Variants in FBXL16 observed in about 807,000 individuals in gnomAD.
FBXL16 encodes F-box/LRR-repeat protein 16.
A neutral mutation model predicts 36.7 loss-of-function variants in FBXL16; 7 were observed. The observed-to-expected ratio is 0.19, with a 90% confidence interval of 0.11 to 0.36. FBXL16 has a LOEUF of 0.36. Among genes scored for constraint, FBXL16 ranks in the 10% least tolerant of loss-of-function variants. The probability of loss-of-function intolerance (pLI) is 1.00; values close to 1 mark genes in which losing one functional copy is unlikely to be tolerated. For missense variants in FBXL16, 463 were observed against 659.4 expected (o/e 0.70, Z 3.26); for synonymous variants, 355 against 308.7 (o/e 1.15, Z -1.57).
chr16:694,306 T>A lies in FBXL16; in HGVS notation c.1409A>T (p.Gln470Leu), dbSNP rs1471169437. 2.0e-6 allele frequency: 3 copies of A among 1,465,936 alleles called. No individual in the cohort carries two copies. Among genetic ancestry groups the A allele is most frequent in the Non-Finnish European group, 2.7e-6 (3 of 1,109,492 alleles). 90.8% of individuals were successfully genotyped at this position (1,465,936 alleles called of 1,614,324 possible). A position where few individuals can be genotyped will look rare whatever the true frequency, so the allele number is the denominator to read the frequency against. Residue 470 changes from glutamine to leucine, a missense_variant, in exon 6 of 6, where the codon CAG (glutamine) becomes CTG (leucine). By Grantham distance (113) the Gln-to-Leu change is moderately radical. Coordinates refer to ENST00000397621, the MANE Select transcript of FBXL16 (RefSeq NM_153350.4). Reference sequence around the variant, plus strand: ...AATGACGAGGCAGCGGGGCAGGTGCTGCGAGAAATACTTGAAGAGCTCGGG... The same window carrying A: ...AATGACGAGGCAGCGGGGCAGGTGCAGCGAGAAATACTTGAAGAGCTCGGG... ...ATPELFKYFS[Q>L]HLPRCLVIE
chr16:695,217 G>A (rs2040001094), intron 3 of FBXL16, 141 bp from the exon 4 acceptor site: 1 of 1,158,586 alleles, frequency 8.6e-7, no homozygotes, highest in African/African-American at 1.6e-5. Flanking sequence ...CCCACCCACC[G>A]GGAAGGACGG....
chr16:704,890 C>T (rs2040080461), intron 1 of FBXL16, among the ~76,000 whole-genome samples: 1 of 152,224 alleles, frequency 6.6e-6, no homozygotes, highest in Non-Finnish European at 1.5e-5. Flanking sequence ...GAACGCTCTC[C>T]ACCCACCTAA....
chr16:697,401 G>A lies in FBXL16; in HGVS notation c.5C>T (p.Ser2Leu), dbSNP rs745311378. MSSPGIDGDPKP... is the reference protein window; with the variant it reads MLSPGIDGDPKP... Reference sequence around the variant, plus strand: ...GGGGTCGCCGTCGATGCCCGGGCTCGACATCTTCCTGGCACGCTCTGTGGA... The same window carrying A: ...GGGGTCGCCGTCGATGCCCGGGCTCAACATCTTCCTGGCACGCTCTGTGGA... Residue 2 changes from serine to leucine, a missense_variant, in exon 2 of 6, where the codon TCG becomes TTG. This residue lies in a region of FBXL16 where 263 missense variants were observed against 341.1 expected (regional missense o/e 0.77). Coordinates refer to ENST00000397621, the MANE Select transcript of FBXL16 (RefSeq NM_153350.4). This position sits in a 1 kb window ranked among gnomAD's most constrained non-coding sequence, Gnocchi z 4.6. The A allele has an allele frequency of 4.6e-6, 7 of 1,533,620 alleles. No individual in the cohort carries two copies. The highest frequency in any genetic ancestry group is 3.9e-5 in the Admixed American group (2 of 50,816).
intron 3 of FBXL16, 81 bp downstream of exon 3, chr16:695,334 G>A (rs917789024): frequency 4.0e-5 from 42 of 1,052,826 alleles, no homozygotes; most frequent in Admixed American, 2.3e-4. Flanking sequence ...CCCGCCCCCG[G>A]CCCCGTGCAG....
chr16:694,405 G>A lies in FBXL16; in HGVS notation c.1310C>T (p.Thr437Ile), dbSNP rs970952497. 2 of 1,550,966 alleles carry A rather than the reference G, an allele frequency of 1.3e-6. No homozygotes were observed. Among genetic ancestry groups the A allele is most frequent in the South Asian group, 1.2e-5 (1 of 83,398 alleles). ...CTGCACCAGGCCCGACAGCCCGGTG[G>A]TGGTGAGCAGCGGGCAGCCTGCGGC... ...LSLAGCPLLTTTGLSGLVQLQ... is the reference protein window; with the variant it reads ...LSLAGCPLLTITGLSGLVQLQ... The change falls in exon 6 of 6, where the codon ACC becomes ATC. Residue 437 changes from threonine (T) to isoleucine (I), a missense_variant. Transcript: ENST00000397621.
intron 2 of FBXL16, 118 bp from the exon 3 acceptor site, chr16:696,041 G>A: frequency 1.4e-6 from 2 of 1,389,698 alleles, no homozygotes; most frequent in Non-Finnish European, 1.9e-6. Context: ...GGCAGTGTGT[G>A]AGGAGGCGGG....
At chr16:704,465 C>T (rs2040077267) in intron 1 of FBXL16, among the ~76,000 whole-genome samples, 1 of 152,240 alleles carries the variant, frequency 6.6e-6, no homozygotes, top group African/African-American at 2.4e-5. Flanking sequence ...TTGAATTTCC[C>T]TCCCCTCCAG....
intron 1 of FBXL16, among the ~76,000 whole-genome samples, chr16:700,816 C>T (rs1045470344): frequency 6.6e-6 from 1 of 152,052 alleles, no homozygotes; most frequent in African/African-American, 2.4e-5. Context: ...GCCCCAGCCG[C>T]GCGCTCAGGG....
intron 1 of FBXL16, among the ~76,000 whole-genome samples, chr16:701,038 A>T (rs914105420): frequency 7.2e-5 from 11 of 152,128 alleles, no homozygotes; most frequent in Non-Finnish European, 7.4e-5. Flanking sequence ...GCTCCCAGTC[A>T]TGGGCCTGCA....
intron 1 of FBXL16, among the ~76,000 whole-genome samples, chr16:704,364 C>A (rs964909816): frequency 7.9e-5 from 12 of 152,146 alleles, no homozygotes; most frequent in Admixed American, 7.2e-4. Context: ...GGGTCTGGCC[C>A]CAGATGAGGG....
chr16:705,024 C>T lies in FBXL16; in HGVS notation c.-15+488G>A, dbSNP rs555164506. ...AACCAGGAAGGTGCCAGCCTCCCCC[C>T]ACCCTCCTCCTCCCGCGGGCAGTAG... On this transcript the variant is annotated intron_variant, in intron 1 of 5. Transcript: ENST00000397621. 7.2e-5 allele frequency among the ~76,000 whole-genome samples: 11 copies of T among 152,352 alleles called. No individual in the cohort carries two copies. In the South Asian group the frequency reaches 1.0e-3, roughly 14 times the overall value.
intron 1 of FBXL16, among the ~76,000 whole-genome samples, chr16:700,852 G>C (rs151010267): frequency 0.029 from 4,414 of 152,226 alleles, 206 homozygotes; most frequent in African/African-American, 0.1. Context: ...CTTCCACCGC[G>C]GACGGCTGCG....
Position 695,697 on chromosome 16 carries a change from T to A in FBXL16, c.860A>T (p.Tyr287Phe). The A allele has an allele frequency of 5.6e-6, 9 of 1,605,316 alleles. No homozygotes were observed. The highest frequency in any genetic ancestry group is 7.6e-6 in the Non-Finnish European group (9 of 1,179,552). The change falls in exon 3 of 6, where the codon TAC (tyrosine) becomes TTC (phenylalanine). Residue 287 changes from tyrosine to phenylalanine, a missense_variant. Around this residue, in one of 3 missense-constraint regions of FBXL16, gnomAD observed 66 missense variants for 146.3 expected, o/e 0.45. Transcript: ENST00000397621. ...AYHVTDTALA[Y>F]FTARQGHSTH... ...GCTGTGGCCCTGGCGCGCCGTGAAG[T>A]AGGCCAGCGCCGTGTCCGTCACGTG... is the stretch of plus-strand genomic sequence containing the variant.
At chr16:699,451 G>T (rs1190421863) in intron 1 of FBXL16, among the ~76,000 whole-genome samples, 1 of 152,190 alleles carries the variant, frequency 6.6e-6, no homozygotes, top group Non-Finnish European at 1.5e-5. Flanking sequence ...CACACGCCCT[G>T]GACTTGAAAT....
intron 1 of FBXL16, among the ~76,000 whole-genome samples, chr16:704,229 C>T (rs182189302): frequency 1.6e-3 from 248 of 152,328 alleles, no homozygotes; most frequent in Admixed American, 3.1e-3. Context: ...TCAAGGGCCC[C>T]GTGCCTCCCA....
At chr16:701,697 TC>T (rs2040058754) in intron 1 of FBXL16, among the ~76,000 whole-genome samples, 1 of 152,180 alleles carries the variant, frequency 6.6e-6, no homozygotes, top group Admixed American at 6.5e-5. Context: ...GAGCCCTCGT[TC>T]CACCCAGAGG....
At position 695,454 on chromosome 16, in the gene FBXL16, G is replaced by A; in HGVS notation, c.1103C>T (p.Ala368Val). The A allele has an allele frequency of 1.9e-6, 3 of 1,560,574 alleles. No individual in the cohort carries two copies. The highest frequency in any genetic ancestry group is 2.6e-6 in the Non-Finnish European group (3 of 1,160,330). ...RITDMALEYV[A>V]CDLHRLEELV... ...CTCCTCTAGGCGGTGCAGGTCGCAG[G>A]CCACGTACTCCAGCGCCATGTCGGT... Residue 368 changes from alanine to valine, a missense_variant, in exon 3 of 6, where the codon GCC becomes GTC. This residue lies in a region of FBXL16 where 134 missense variants were observed against 172.0 expected (regional missense o/e 0.78). Transcript: ENST00000397621.
At chr16:700,158 G>A (rs1005285864) in intron 1 of FBXL16, among the ~76,000 whole-genome samples, 1 of 152,248 alleles carries the variant, frequency 6.6e-6, no homozygotes, top group African/African-American at 2.4e-5. Context: ...CCACATCTGG[G>A]GAGGGGGTGT....
intron 3 of FBXL16, 82 bp downstream of exon 3, chr16:695,333 G>A: frequency 1.0e-6 from 1 of 990,594 alleles, no homozygotes; most frequent in Non-Finnish European, 1.2e-6. Flanking sequence ...CCCCGCCCCC[G>A]GCCCCGTGCA....
Sources: gnomAD v4.1 joint callset for allele counts (sites outside exome capture counted in the v4.1 genomes callset) on GRCh38, gnomAD v4.1.1 for gene constraint, gnomAD v4.1.1 regional missense constraint, Gnocchi (gnomAD v3.1) non-coding constraint, MANE v1.5 for transcripts, NCBI Gene and HGNC (gene_info 2026-07-23, HGNC 2026-07-21) for gene names.